The following TAF3 variants were observed in gnomAD, a reference collection of about 807,000 sequenced individuals.
The protein encoded by TAF3 is TATA-box binding protein associated factor 3.
A neutral mutation model predicts 80.6 loss-of-function variants in TAF3; 7 were observed. The observed-to-expected ratio is 0.09, with a 90% CI of 0.05 to 0.16. The LOEUF (loss-of-function observed/expected upper bound fraction) is 0.16, where lower values mean the gene tolerates loss of function less well. Among genes scored for constraint, TAF3 ranks in the 10% least tolerant of loss-of-function variants. TAF3 has a pLI of 1.00. For missense variants in TAF3, 921 were observed against 1,140.2 expected (o/e 0.81, Z 2.77); for synonymous variants, 444 against 446.1 (o/e 1.00, Z 0.06).
intron 4 of TAF3, among the ~76,000 whole-genome samples, chr10:7,997,930 A>G (rs995906923): frequency 1.3e-5 from 2 of 152,222 alleles, no homozygotes; most frequent in Admixed American, 6.5e-5. Context: ...ATGATAGTTT[A>G]TCTCACAAGT....
intron 2 of TAF3, among the ~76,000 whole-genome samples, chr10:7,959,917 G>A (rs891187337): frequency 1.3e-5 from 2 of 152,192 alleles, no homozygotes; most frequent in Non-Finnish European, 2.9e-5. Context: ...ATCCCCTGTA[G>A]TCCCTTTCTA....
chr10:7,881,750 CA>C (rs1432790636), intron 2 of TAF3, among the ~76,000 whole-genome samples: 2 of 152,202 alleles, frequency 1.3e-5, no homozygotes, highest in Non-Finnish European at 2.9e-5. Context: ...AGAGCTGTGA[CA>C]GAAGAGCTTT....
chr10:7,848,447 A>G (rs1460454908), intron 2 of TAF3, among the ~76,000 whole-genome samples: 3 of 152,124 alleles, frequency 2.0e-5, no homozygotes, highest in African/African-American at 4.8e-5. Context: ...AAGGAGAGTG[A>G]GATGTAGGTC....
chr10:7,849,960 C>T (rs1293372916), intron 2 of TAF3, among the ~76,000 whole-genome samples: 1 of 152,072 alleles, frequency 6.6e-6, no homozygotes, highest in Non-Finnish European at 1.5e-5. Context: ...GGATTACAGG[C>T]GTGAGCCACC....
intron 3 of TAF3, among the ~76,000 whole-genome samples, chr10:7,974,183 C>A (rs1027790004): frequency 5.3e-5 from 8 of 150,798 alleles, no homozygotes. Context: ...AACACACACA[C>A]GAGACTTGAA....
At chr10:7,978,060 C>T (rs971625926) in intron 4 of TAF3, among the ~76,000 whole-genome samples, 33 of 151,860 alleles carry the variant, frequency 2.2e-4, no homozygotes, top group East Asian at 5.8e-4. Context: ...GAAAATCATT[C>T]CCCTTGTTCT....
At chr10:7,985,850 C>G (rs538426119) in intron 4 of TAF3, among the ~76,000 whole-genome samples, 1 of 133,826 alleles carries the variant, frequency 7.5e-6, no homozygotes, top group South Asian at 2.4e-4. Flanking sequence ...GTGGTGTGAT[C>G]TTGGCTCACT....
At chr10:7,908,309 G>A (rs1837624403) in intron 2 of TAF3, among the ~76,000 whole-genome samples, 1 of 152,162 alleles carries the variant, frequency 6.6e-6, no homozygotes, top group South Asian at 2.1e-4. Context: ...TAGCTCAGGT[G>A]ACTCTTCCCA....
rs367858522 is a variant in TAF3 at position 7,964,527 on chromosome 10, G to A, written c.1017G>A (p.Thr339=). The A allele has an allele frequency of 1.7e-5, 27 of 1,613,144 alleles. No homozygotes were observed. The highest frequency in any genetic ancestry group is 2.7e-5 in the African/African-American group (2 of 74,806). ...HIPQTPVRPE[T]PNRTPSATLS... ...CCCAAACACCTGTGAGACCTGAAAC[G>A]CCCAACAGGACTCCTTCAGCTACAC... The change falls in exon 3 of 7, where the codon ACG becomes ACA. Residue 339 remains threonine (T), a synonymous_variant. Coordinates refer to ENST00000344293, the MANE Select transcript of TAF3 (RefSeq NM_031923.4). This position sits in a 1 kb window ranked among gnomAD's most constrained non-coding sequence, Gnocchi z 4.1.
At chr10:7,827,912 C>T (rs1443034547) in intron 2 of TAF3, among the ~76,000 whole-genome samples, 2 of 151,858 alleles carry the variant, frequency 1.3e-5, no homozygotes, top group African/African-American at 2.4e-5. Context: ...GCTATGATCA[C>T]ACCACAGCAC....
Position 7,845,391 on chromosome 10 carries a change from G to A in TAF3, c.409+20831G>A, listed in dbSNP as rs181696433. Among the ~76,000 whole-genome samples, 199 of 152,088 alleles carry A rather than the reference G, an allele frequency of 1.3e-3. 1 individual carries two copies. Among genetic ancestry groups the A allele is most frequent in the Non-Finnish European group, 2.0e-3 (137 of 67,996 alleles). On this transcript the variant is annotated intron_variant, in intron 2 of 6. Coordinates refer to ENST00000344293, the MANE Select transcript of TAF3 (RefSeq NM_031923.4). Reference sequence around the variant, plus strand: ...TTGAATTTTATGTCCTCCGTTTTTCGTTTAATTAAGTCACTTACTATATGC... The same window carrying A: ...TTGAATTTTATGTCCTCCGTTTTTCATTTAATTAAGTCACTTACTATATGC...
chr10:7,880,427 T>C (rs966242658), intron 2 of TAF3, among the ~76,000 whole-genome samples: 3 of 152,130 alleles, frequency 2.0e-5, no homozygotes, highest in African/African-American at 7.2e-5. Context: ...AATTGGTGGA[T>C]GTGAGAAATA....
chr10:7,995,178 A>G (rs1231723103), intron 4 of TAF3, among the ~76,000 whole-genome samples: 2 of 152,150 alleles, frequency 1.3e-5, no homozygotes, highest in East Asian at 1.9e-4. Context: ...CACTATGGAT[A>G]TGCTTACAAA....
intron 2 of TAF3, among the ~76,000 whole-genome samples, chr10:7,963,334 G>C (rs1015524759): frequency 1.3e-5 from 2 of 152,080 alleles, no homozygotes; most frequent in African/African-American, 4.8e-5. Flanking sequence ...TTACTGGTTA[G>C]GAAAATAATT....
chr10:7,826,092 C>G (rs1337614254), intron 2 of TAF3, among the ~76,000 whole-genome samples: 1 of 152,178 alleles, frequency 6.6e-6, no homozygotes, highest in Non-Finnish European at 1.5e-5. Context: ...GTTGTACAGT[C>G]TGTGTGTCAG....
intron 2 of TAF3, among the ~76,000 whole-genome samples, chr10:7,946,839 CT>C (rs990522758): frequency 6.6e-6 from 1 of 152,184 alleles, no homozygotes; most frequent in East Asian, 1.9e-4. Flanking sequence ...ATTATAACAA[CT>C]TTTTTTGTAT....
intron 2 of TAF3, among the ~76,000 whole-genome samples, chr10:7,834,792 A>C (rs1466394734): frequency 6.6e-6 from 1 of 152,212 alleles, no homozygotes; most frequent in South Asian, 2.1e-4. Flanking sequence ...ACTATCATTC[A>C]TGATTACTGA....
intron 4 of TAF3, among the ~76,000 whole-genome samples, chr10:7,997,864 A>G (rs1831904401): frequency 6.6e-6 from 1 of 152,236 alleles, no homozygotes; most frequent in South Asian, 2.1e-4. Context: ...ATGGTTGGCA[A>G]TAAAGGCCAG....
chr10:7,881,691 T>C (rs1448277407), intron 2 of TAF3, among the ~76,000 whole-genome samples: 1 of 152,170 alleles, frequency 6.6e-6, no homozygotes, highest in African/African-American at 2.4e-5. Context: ...AAAATTGACC[T>C]AGAGGAAGCA....
Sources: gnomAD v4.1 joint callset for allele counts (sites outside exome capture counted in the v4.1 genomes callset) on GRCh38, gnomAD v4.1.1 for gene constraint, Gnocchi (gnomAD v3.1) non-coding constraint, MANE v1.5 for transcripts, NCBI Gene and HGNC (gene_info 2026-07-23, HGNC 2026-07-21) for gene names.